WNT10A: variants seen among roughly 807,000 people sequenced by gnomAD.
WNT10A encodes the protein Wnt family member 10A, also known as protein Wnt-10a.
In WNT10A, 37 loss-of-function variants were observed where a neutral mutation model predicts 36.1. The observed-to-expected ratio is 1.02, with a 90% CI of 0.79 to 1.35. The LOEUF is 1.35. Among genes scored for constraint, WNT10A ranks in the 40% most tolerant of loss-of-function variants. The pLI is 0.00. For missense variants in WNT10A, 613 were observed against 601.4 expected (o/e 1.02, Z -0.20); for synonymous variants, 255 against 254.1 (o/e 1.00, Z -0.03).
chr2:218,886,745 G>T lies in WNT10A; in HGVS notation c.377-3239G>T, dbSNP rs552486840. On this transcript the variant is annotated intron_variant, in intron 2 of 3. Transcript: ENST00000258411. ...CCTGTGTCTGCCCCAGACAGCTGGG[G>T]CCAGAACCGAAACTGGGGCCCTGAA... Among the ~76,000 whole-genome samples, 3 of 152,256 alleles carry T rather than the reference G, an allele frequency of 2.0e-5. No individual in the cohort carries two copies. In the East Asian group the frequency reaches 5.8e-4, roughly 30 times the overall value.
At chr2:218,880,787 A>AC (rs561005501), upstream of WNT10A, 2,981 of 497,212 alleles carry the variant, frequency 6.0e-3, 25 homozygotes, top group Middle Eastern at 9.9e-3. This position sits in a 1 kb window ranked among gnomAD's most constrained non-coding sequence, Gnocchi z 7.7. Flanking sequence ...CCCGCTCTTC[A>AC]CCCCCCGCCC....
At chr2:218,886,428 G>A (rs535542922) in intron 2 of WNT10A, among the ~76,000 whole-genome samples, 13 of 152,212 alleles carry the variant, frequency 8.5e-5, no homozygotes, top group African/African-American at 3.1e-4. Context: ...TCAAGCTTCT[G>A]TAACCCCTTC....
At chr2:218,891,205 G>T (rs970553014) in intron 3 of WNT10A, among the ~76,000 whole-genome samples, 7 of 152,188 alleles carry the variant, frequency 4.6e-5, no homozygotes, top group Non-Finnish European at 8.8e-5. Flanking sequence ...GTCCAGGCAG[G>T]GTTCATCCCC....
At chr2:218,875,772 A>G in the WNT10A span, among the ~76,000 whole-genome samples, 2 of 152,254 alleles carry the variant, frequency 1.3e-5, no homozygotes, top group Non-Finnish European at 2.9e-5. Context: ...CTTGTGACAC[A>G]TAATTTGTCA....
upstream of WNT10A, among the ~76,000 whole-genome samples, chr2:218,876,448 A>G (rs1001981221): frequency 2.6e-5 from 4 of 152,106 alleles, no homozygotes; most frequent in African/African-American, 9.7e-5. Context: ...GCCTGCTTCA[A>G]TCCTCAAGGC....
chr2:218,875,490 A>G, the WNT10A span, among the ~76,000 whole-genome samples: 1 of 152,246 alleles, frequency 6.6e-6, no homozygotes, highest in Non-Finnish European at 1.5e-5. Flanking sequence ...GCGCCCGGCC[A>G]AAACTGACTT....
At chr2:218,892,029 C>A (rs1944656766) in intron 3 of WNT10A, among the ~76,000 whole-genome samples, 2 of 152,112 alleles carry the variant, frequency 1.3e-5, no homozygotes, top group African/African-American at 4.8e-5. Context: ...ACCTTCTCCA[C>A]TTTCACTGAG....
chr2:218,883,066 T>C (rs1488459196), intron 2 of WNT10A, among the ~76,000 whole-genome samples: 1 of 152,198 alleles, frequency 6.6e-6, no homozygotes, highest in Non-Finnish European at 1.5e-5. Flanking sequence ...GAAGCTGCAG[T>C]CCATTCCCTG....
At chr2:218,883,073 C>T (rs1041023941) in intron 2 of WNT10A, among the ~76,000 whole-genome samples, 17 of 152,208 alleles carry the variant, frequency 1.1e-4, no homozygotes, top group Non-Finnish European at 2.5e-4. Context: ...CAGTCCATTC[C>T]CTGTCCTCCC....
At chr2:218,883,690 G>A (rs1412981503) in intron 2 of WNT10A, among the ~76,000 whole-genome samples, 1 of 151,082 alleles carries the variant, frequency 6.6e-6, no homozygotes. Context: ...GGCCCCAGCC[G>A]CGCCGCTCTC....
chr2:218,887,835 A>T (rs1944596644), intron 2 of WNT10A, among the ~76,000 whole-genome samples: 1 of 152,250 alleles, frequency 6.6e-6, no homozygotes, highest in Non-Finnish European at 1.5e-5. Context: ...TATTCTAAGC[A>T]CTTTAAATTT....
In WNT10A at chr2:218,893,216, G is replaced by C. The variant is rs1575235227; in HGVS notation, c.1199G>C (p.Cys400Ser). The C allele has an allele frequency of 9.5e-6, 15 of 1,573,546 alleles. No individual in the cohort carries two copies. The highest frequency in any genetic ancestry group is 1.3e-5 in the Non-Finnish European group (15 of 1,166,206). ...TGCCACTGCCGCTTCCACTGGTGCT[G>C]TTTCGTGGTCTGCGAAGAGTGCCGC... ...ERCHCRFHWC[C>S]FVVCEECRIT... The change falls in exon 4 of 4, where the codon TGT becomes TCT. Residue 400 changes from cysteine to serine, a missense_variant. By Grantham distance (112) the Cys-to-Ser change is moderately radical (BLOSUM62 -1). Coordinates refer to ENST00000258411, the MANE Select transcript of WNT10A (RefSeq NM_025216.3). The surrounding 1 kb of genome is among the most constrained non-coding windows in gnomAD (Gnocchi z 6.3).
chr2:218,889,153 T>C (rs1284625200), intron 2 of WNT10A, among the ~76,000 whole-genome samples: 1 of 152,224 alleles, frequency 6.6e-6, no homozygotes, highest in African/African-American at 2.4e-5. Flanking sequence ...TAGCTTCCAC[T>C]TATAAGTGAG....
intron 1 of WNT10A, 33 bp downstream of exon 1, chr2:218,881,141 A>G (rs1241978650): frequency 5.1e-6 from 8 of 1,565,090 alleles, no homozygotes; most frequent in Non-Finnish European, 6.9e-6. Flanking sequence ...GCCCTCCTAG[A>G]GAGTTGGGAC....
In WNT10A at chr2:218,880,970, T is replaced by G. The variant is rs759019118; in HGVS notation, c.-26T>G. The G allele has an allele frequency of 9.7e-6, 15 of 1,552,528 alleles. No homozygotes were observed. Among genetic ancestry groups the G allele is most frequent in the Non-Finnish European group, 1.3e-5 (15 of 1,148,366 alleles). On this transcript the variant is annotated 5_prime_UTR_variant, in exon 1 of 4. Coordinates refer to ENST00000258411, the MANE Select transcript of WNT10A (RefSeq NM_025216.3). This position sits in a 1 kb window ranked among gnomAD's most constrained non-coding sequence, Gnocchi z 7.7. The stretch of plus-strand genomic sequence containing the variant: ...TCCCACTGGGCTGTGAGCCCCCCAC[T>G]CCCAGCCCGTCAGGGCCTGCGCGCC...
At chr2:218,876,058 C>A (rs187581351), upstream of WNT10A, among the ~76,000 whole-genome samples, 1 of 152,334 alleles carries the variant, frequency 6.6e-6, no homozygotes, top group East Asian at 1.9e-4. Flanking sequence ...ATCTCTGCCT[C>A]TCTTGGCATA....
Position 218,890,048 on chromosome 2 carries a change from T to A in WNT10A, c.441T>A (p.Asn147Lys). ...AAAGVVHAVS[N>K]ACALGKLKAC... ...CTGGCGTGGTGCACGCCGTGTCCAA[T>A]GCGTGTGCCCTGGGCAAACTGAAGG... is the stretch of plus-strand genomic sequence containing the variant. The change falls in exon 3 of 4, where the codon AAT becomes AAA. Residue 147 changes from asparagine to lysine, a missense_variant. Asn to Lys is a moderately conservative substitution (Grantham distance 94). Coordinates refer to ENST00000258411, the MANE Select transcript of WNT10A (RefSeq NM_025216.3). 6.2e-7 allele frequency: 1 copy of A among 1,614,058 alleles called. No homozygotes were observed. Among genetic ancestry groups the A allele is most frequent in the Non-Finnish European group, 8.5e-7 (1 of 1,180,042 alleles).
In WNT10A at chr2:218,880,928, C is replaced by T. The variant is rs1202138138; in HGVS notation, c.-68C>T. The T allele has an allele frequency of 1.4e-6, 2 of 1,476,172 alleles. No individual in the cohort carries two copies. The highest frequency in any genetic ancestry group is 5.2e-5 in the Admixed American group (2 of 38,808). The allele number at this position is 1,476,172 out of a possible 1,614,324, so 91.4% of individuals were successfully genotyped here. On this transcript the variant is annotated 5_prime_UTR_variant, in exon 1 of 4. Transcript: ENST00000258411. The surrounding 1 kb of genome is among the most constrained non-coding windows in gnomAD (Gnocchi z 7.7). Reference sequence around the variant, plus strand: ...CGACCCCCCGCCGATCATGCGCCGGCGCCCCTGGCTCTCCAGTCCCACTGG... The same window carrying T: ...CGACCCCCCGCCGATCATGCGCCGGTGCCCCTGGCTCTCCAGTCCCACTGG...
chr2:218,882,064 G>C (rs1435424791), intron 1 of WNT10A, 97 bp from the exon 2 acceptor site: 2 of 1,486,574 alleles, frequency 1.3e-6, no homozygotes, highest in Non-Finnish European at 1.8e-6. Context: ...GTTGGAAGAG[G>C]GAGTGATTAT....
Sources: gnomAD v4.1 joint callset for allele counts (sites outside exome capture counted in the v4.1 genomes callset) on GRCh38, gnomAD v4.1.1 for gene constraint, Gnocchi (gnomAD v3.1) non-coding constraint, MANE v1.5 for transcripts, NCBI Gene and HGNC (gene_info 2026-07-23, HGNC 2026-07-21) for gene names.